Variants in USP20 observed in about 807,000 individuals in gnomAD.
USP20 encodes ubiquitin carboxyl-terminal hydrolase 20.
Under a neutral mutation model 124.2 loss-of-function variants are expected in USP20, and 80 were observed. The observed-to-expected ratio is 0.64, with a 90% CI of 0.54 to 0.78. USP20 has a LOEUF of 0.78. Ranked by LOEUF, USP20 falls within the 30% of genes least tolerant of loss-of-function variation. USP20 has a pLI of 0.00. For synonymous variants in USP20, 481 were observed against 512.3 expected (o/e 0.94, Z 0.83); for missense variants, 1,043 against 1,244.4 (o/e 0.84, Z 2.44).
Position 129,835,513 on chromosome 9 carries a change from C to A in USP20, c.-129+14C>A, listed in dbSNP as rs547137929. On this transcript the variant is annotated intron_variant, in intron 1 of 25. Transcript: ENST00000372429. The stretch of plus-strand genomic sequence containing the variant: ...TTGCGAGTGCAGGTGAGTTCCGGGC[C>A]GCCACCGGCTGCTTCTGTGGGCCGG... 453 of 297,198 alleles carry A rather than the reference C, an allele frequency of 1.5e-3. 4 individuals are homozygous for A. The highest frequency in any genetic ancestry group is 9.4e-3 in the African/African-American group (425 of 45,130). The allele number at this position is 297,198 out of a possible 1,614,324, so 18.4% of individuals were successfully genotyped here.
At chr9:129,873,591 G>A (rs1361589945) in intron 16 of USP20, 76 bp downstream of exon 16, 5 of 1,613,346 alleles carry the variant, frequency 3.1e-6, no homozygotes, top group Non-Finnish European at 4.2e-6. Context: ...TTCCTGCAGA[G>A]AGCCCCCTAT....
chr9:129,879,997 C>A lies in USP20; in HGVS notation c.2585-116C>A. 3 of 1,263,552 alleles carry A rather than the reference C, an allele frequency of 2.4e-6. No homozygotes were observed. The South Asian group carries it at 4.3e-5, about 18-fold the overall frequency. The allele number at this position is 1,263,552 out of a possible 1,614,324, so 78.3% of individuals were successfully genotyped here. ...TCCATCTGACAGCTTTGCATAGAAG[C>A]CCTGGTTGCCGTCTTCCCGCTTCGG... On this transcript the variant is annotated intron_variant, in intron 24 of 25. Coordinates refer to ENST00000372429, the MANE Select transcript of USP20 (RefSeq NM_001110303.4). This position sits in a 1 kb window ranked among gnomAD's most constrained non-coding sequence, Gnocchi z 4.2.
chr9:129,879,536 G>A lies in USP20; in HGVS notation c.2513-37G>A, dbSNP rs767269399. 1.9e-6 allele frequency: 3 copies of A among 1,609,226 alleles called. No individual in the cohort carries two copies. In the African/African-American group the frequency reaches 4.0e-5, roughly 21 times the overall value. On this transcript the variant is annotated intron_variant, in intron 23 of 25. Transcript: ENST00000372429. This position sits in a 1 kb window ranked among gnomAD's most constrained non-coding sequence, Gnocchi z 4.2. ...GCTGCTGTGGAGGGTGGAGGGCATG[G>A]CAGGGGCTGAACCCGAGCCCGCTGT...
rs11793159 is a variant in USP20, at chr9:129,850,652, T to G, written c.-17+728T>G. The stretch of plus-strand genomic sequence containing the variant: ...AGCTTCTGCCTTTGTTTTTTGTTTT[T>G]TGTGTGTGTGTGTGTGTTTTGGGAT... On this transcript the variant is annotated intron_variant, in intron 2 of 25. Coordinates refer to ENST00000372429, the MANE Select transcript of USP20 (RefSeq NM_001110303.4). Among the ~76,000 whole-genome samples, 1,169 of 151,336 alleles carry G rather than the reference T, an allele frequency of 7.7e-3. 11 individuals carry two copies. Among genetic ancestry groups the G allele is most frequent in the South Asian group, 0.052 (251 of 4,804 alleles).
chr9:129,863,076 C>T, intron 8 of USP20, 110 bp from the exon 9 acceptor site: 1 of 731,974 alleles, frequency 1.4e-6, no homozygotes, highest in South Asian at 3.3e-5. Flanking sequence ...GGGTCCAGGG[C>T]CACTGTGCTC....
intron 10 of USP20, among the ~76,000 whole-genome samples, chr9:129,866,582 G>T (rs1187611801): frequency 2.0e-5 from 3 of 152,192 alleles, no homozygotes; most frequent in African/African-American, 7.2e-5. Flanking sequence ...CCGGCTTTCA[G>T]CTCTGGGTCA....
intron 3 of USP20, among the ~76,000 whole-genome samples, chr9:129,853,570 G>A (rs554415433): frequency 7.2e-5 from 11 of 152,338 alleles, no homozygotes; most frequent in Admixed American, 2.0e-4. Context: ...AATGCTGGTC[G>A]CCTGGCCTCG....
intron 1 of USP20, among the ~76,000 whole-genome samples, chr9:129,843,885 A>G (rs7852436): frequency 0.16 from 23,699 of 152,136 alleles, 2,284 homozygotes; most frequent in African/African-American, 0.26. Context: ...GCATCATGGC[A>G]AAACTCTGTC....
At chr9:129,853,856 A>G (rs900512049) in intron 3 of USP20, among the ~76,000 whole-genome samples, 7 of 152,220 alleles carry the variant, frequency 4.6e-5, no homozygotes, top group Non-Finnish European at 8.8e-5. Flanking sequence ...GCAGCCGTTC[A>G]GAAGCCTGTT....
At chr9:129,870,108 C>A in intron 14 of USP20, 1 of 575,310 alleles carries the variant, frequency 1.7e-6, no homozygotes, top group Admixed American at 3.1e-5. Context: ...GAAGGGAGGG[C>A]AGCAGCAGGA....
In USP20 at chr9:129,869,843, C is replaced by T. The variant is rs200401245; in HGVS notation, c.1564C>T (p.Arg522Trp). Residue 522 changes from arginine to tryptophan, a missense_variant and splice_region_variant, in exon 14 of 26, where the codon CGG becomes TGG. Physicochemically the swap from Arg to Trp is moderately radical, Grantham distance 101 (BLOSUM62 -3). Transcript: ENST00000372429. ...WLAFIVEYIR[R>W]FVVSCTPSWF... ...GGCCTTCATTGTGGAGTACATCCGA[C>T]GGTGCGCCCACCTTGCCACTACTGG... is the stretch of plus-strand genomic sequence containing the variant. 5.1e-5 allele frequency: 83 copies of T among 1,612,442 alleles called. No individual in the cohort carries two copies. In the Admixed American group the frequency reaches 5.2e-4, roughly 10 times the overall value.
intron 3 of USP20, among the ~76,000 whole-genome samples, chr9:129,854,760 C>G (rs1021326707): frequency 1.2e-4 from 19 of 152,296 alleles, no homozygotes; most frequent in African/African-American, 3.6e-4. Flanking sequence ...GACTGATCTC[C>G]TGGCACCCAC....
In USP20 at chr9:129,873,621, G is replaced by A. The variant is rs569275111; in HGVS notation, c.1695-78G>A. ...CCCTATAATCCTGCCTTCCCAGAAG[G>A]GAGCCGGGTGGAGGGCTGCTTCCCT... On this transcript the variant is annotated intron_variant, in intron 16 of 25. Coordinates refer to ENST00000372429, the MANE Select transcript of USP20 (RefSeq NM_001110303.4). 118 of 1,613,384 alleles carry A rather than the reference G, an allele frequency of 7.3e-5. No individual in the cohort carries two copies. The African/African-American group carries it at 1.5e-3, about 21-fold the overall frequency.
chr9:129,876,757 G>T (rs1000221901), intron 22 of USP20, among the ~76,000 whole-genome samples: 1 of 152,044 alleles, frequency 6.6e-6, no homozygotes, highest in Non-Finnish European at 1.5e-5. Context: ...AAGCCTCATC[G>T]CCCGGGTGCT....
Position 129,868,274 on chromosome 9 carries a change from C to T in USP20, c.960C>T (p.Ala320=), listed in dbSNP as rs2033923823. The part of the protein sequence containing the change: ...ELLIPDEAGR[A]ISEKERMKDR... ...TGATCCCAGATGAGGCGGGCCGAGCCATCTCTGAGAAGGAGCGGATGAAGG... is the reference window on the plus strand; with the variant it reads ...TGATCCCAGATGAGGCGGGCCGAGCTATCTCTGAGAAGGAGCGGATGAAGG... Residue 320 remains alanine, a synonymous_variant, in exon 11 of 26, where the codon GCC becomes GCT. Coordinates refer to ENST00000372429, the MANE Select transcript of USP20 (RefSeq NM_001110303.4). 1 of 1,613,908 alleles carries T rather than the reference C, an allele frequency of 6.2e-7. No individual in the cohort carries two copies. The highest frequency in any genetic ancestry group is 1.1e-5 in the South Asian group (1 of 91,094).
chr9:129,871,864 A>G (rs4837422), intron 15 of USP20, among the ~76,000 whole-genome samples: 129,400 of 151,742 alleles, frequency 0.85, 56,007 homozygotes, highest in East Asian at 1. Context: ...TTACAGGCAC[A>G]TGCCACCACG....
chr9:129,879,288 G>T lies in USP20; in HGVS notation c.2513-285G>T. ...AATGAGATAGCTGGGCAGAGGGGAA[G>T]GGGCGTGGTGAGCGGCAGCTGCCAG... On this transcript the variant is annotated intron_variant, in intron 23 of 25. Transcript: ENST00000372429. This position sits in a 1 kb window ranked among gnomAD's most constrained non-coding sequence, Gnocchi z 4.2. The T allele has an allele frequency of 2.3e-6, 1 of 439,672 alleles. No individual in the cohort carries two copies. Among genetic ancestry groups the T allele is most frequent in the Non-Finnish European group, 4.1e-6 (1 of 244,942 alleles). 27.2% of individuals were successfully genotyped at this position (439,672 alleles called of 1,614,324 possible).
chr9:129,870,581 G>A lies in USP20; in HGVS notation c.1660+34G>A, dbSNP rs749395597. ...CCTGGCTGGCAAGGGTCGGGGAGGTGGAGGGTTGTGGGGACGGGGATGTGC... is the reference window on the plus strand; with the variant it reads ...CCTGGCTGGCAAGGGTCGGGGAGGTAGAGGGTTGTGGGGACGGGGATGTGC... On this transcript the variant is annotated intron_variant, in intron 15 of 25. Coordinates refer to ENST00000372429, the MANE Select transcript of USP20 (RefSeq NM_001110303.4). 23 of 1,610,832 alleles carry A rather than the reference G, an allele frequency of 1.4e-5. No homozygotes were observed. In the Admixed American group the frequency reaches 2.2e-4, roughly 15 times the overall value.
intron 17 of USP20, among the ~76,000 whole-genome samples, chr9:129,874,092 G>A (rs2034268395): frequency 6.6e-6 from 1 of 152,172 alleles, no homozygotes; most frequent in Non-Finnish European, 1.5e-5. Context: ...GTCCAGCTGG[G>A]GCTGTTGCCA....
Sources: allele counts gnomAD v4.1 joint callset (sites outside exome capture counted in the v4.1 genomes callset), GRCh38; gene constraint gnomAD v4.1.1; non-coding constraint Gnocchi (gnomAD v3.1); transcripts MANE v1.5; gene names NCBI Gene and HGNC (gene_info 2026-07-23, HGNC 2026-07-21).